The following GFPT1 variants were observed in gnomAD, a reference collection of about 807,000 sequenced individuals.
GFPT1 encodes glutamine--fructose-6-phosphate transaminase 1, also known as glutamine--fructose-6-phosphate aminotransferase [isomerizing] 1.
A neutral mutation model predicts 92.0 loss-of-function variants in GFPT1; 40 were observed. That is an observed-to-expected ratio of 0.43 (90% CI 0.34 to 0.57). GFPT1 has a LOEUF of 0.57. Ranked by LOEUF, GFPT1 falls within the 20% of genes least tolerant of loss-of-function variation. The pLI, the probability that GFPT1 is intolerant of heterozygous loss-of-function variation, is 0.02. For missense variants in GFPT1, 448 were observed against 869.1 expected, an observed-to-expected ratio of 0.52 and a Z score of 6.09; for synonymous variants, 269 against 280.6, an observed-to-expected ratio of 0.96 and a Z score of 0.41.
intron 15 of GFPT1, among the ~76,000 whole-genome samples, chr2:69,331,719 G>A (rs1670668132): frequency 6.8e-6 from 1 of 147,830 alleles, no homozygotes; most frequent in Admixed American, 6.8e-5. Context: ...ATATATTTCT[G>A]AATATAATTT....
At chr2:69,336,032 CAA>C (rs761461338) in intron 15 of GFPT1, among the ~76,000 whole-genome samples, 36 of 82,038 alleles carry the variant, frequency 4.4e-4, no homozygotes, top group Admixed American at 4.9e-4. Flanking sequence ...ACCCTGTCTC[CAA>C]AAAAAAAAAA....
chr2:69,324,415 G>GA lies in GFPT1; in HGVS notation c.*1773dup, dbSNP rs1182747961. On this transcript the variant is annotated 3_prime_UTR_variant, in exon 20 of 20. Transcript: ENST00000357308. ...AAATGACACTATACACACGCTAGCT[G>GA]ACTTACACAAAATAATCTTAGAAAC... 1.3e-5 allele frequency: 2 copies of GA among 152,042 alleles called. No homozygotes were observed. The highest frequency in any genetic ancestry group is 4.8e-5 in the African/African-American group (2 of 41,394). 9.4% of individuals were successfully genotyped at this position (152,042 alleles called of 1,614,324 possible). A position where few individuals can be genotyped will look rare whatever the true frequency, so the allele number is the denominator to read the frequency against.
intron 15 of GFPT1, among the ~76,000 whole-genome samples, chr2:69,332,562 C>T (rs1670691247): frequency 6.6e-6 from 1 of 151,956 alleles, no homozygotes; most frequent in Non-Finnish European, 1.5e-5. Flanking sequence ...AAGTGATCTG[C>T]CCAAAGTGCT....
chr2:69,381,432 C>A (rs983173555), intron 1 of GFPT1, among the ~76,000 whole-genome samples: 1 of 151,674 alleles, frequency 6.6e-6, no homozygotes, highest in Non-Finnish European at 1.5e-5. Flanking sequence ...TGAGTCACTG[C>A]CCCTCACCCA....
chr2:69,346,487 C>G (rs1426326925), intron 11 of GFPT1, among the ~76,000 whole-genome samples: 1 of 152,180 alleles, frequency 6.6e-6, no homozygotes, highest in African/African-American at 2.4e-5. Flanking sequence ...ATCCAACCAC[C>G]TCGGCCTCCC....
At chr2:69,327,927 C>T (rs776142905) in intron 18 of GFPT1, among the ~76,000 whole-genome samples, 12 of 151,754 alleles carry the variant, frequency 7.9e-5, no homozygotes, top group Non-Finnish European at 1.8e-4. Context: ...ACATGAAACC[C>T]CATCTCTACC....
intron 15 of GFPT1, among the ~76,000 whole-genome samples, chr2:69,333,624 C>T (rs1418751167): frequency 6.6e-6 from 1 of 152,058 alleles, no homozygotes; most frequent in Non-Finnish European, 1.5e-5. Context: ...TTTAAATCAA[C>T]AAAAGTCAGC....
At chr2:69,331,046 G>T (rs1015498668) in intron 15 of GFPT1, among the ~76,000 whole-genome samples, 20 of 152,140 alleles carry the variant, frequency 1.3e-4, no homozygotes, top group Non-Finnish European at 2.2e-4. Flanking sequence ...ATACAGAATT[G>T]TATGTATTTC....
intron 1 of GFPT1, among the ~76,000 whole-genome samples, chr2:69,378,906 T>A (rs1187997077): frequency 3.3e-5 from 5 of 152,176 alleles, no homozygotes; most frequent in African/African-American, 1.2e-4. Context: ...CTCTAAATTT[T>A]ATTTTTCTTA....
intron 15 of GFPT1, among the ~76,000 whole-genome samples, chr2:69,336,960 A>G (rs1574049416): frequency 6.6e-6 from 1 of 151,924 alleles, no homozygotes; most frequent in East Asian, 1.9e-4. Flanking sequence ...CCTTCAAAAC[A>G]CAAGACAGTA....
In GFPT1 at chr2:69,331,620, C is replaced by A. The variant is rs181218290; in HGVS notation, c.1483-1822G>T. ...TTTATGTTAGATTTTGCATTTTTTT[C>A]ATTACTGTTATATTTTAACCTGACT... On this transcript the variant is annotated intron_variant, in intron 15 of 19. Coordinates refer to ENST00000357308, the MANE Select transcript of GFPT1 (RefSeq NM_001244710.2). 4.7e-3 allele frequency among the ~76,000 whole-genome samples: 714 copies of A among 151,962 alleles called. 10 individuals are homozygous for A. The highest frequency in any genetic ancestry group is 0.011 in the Admixed American group (172 of 15,272).
In GFPT1 at chr2:69,356,561, G is replaced by T; in HGVS notation, c.544-4C>A. ...ACACAAGTGCAAAAGCACCTTCCTAGGGAGGGAAAAAAATCCATTAGCACT... is the reference window on the plus strand; with the variant it reads ...ACACAAGTGCAAAAGCACCTTCCTATGGAGGGAAAAAAATCCATTAGCACT... On this transcript the variant is annotated splice_region_variant and splice_polypyrimidine_tract_variant and intron_variant, in intron 6 of 19. Transcript: ENST00000357308. The T allele has an allele frequency of 6.2e-7, 1 of 1,610,078 alleles. No individual in the cohort carries two copies. The highest frequency in any genetic ancestry group is 8.5e-7 in the Non-Finnish European group (1 of 1,176,416).
At chr2:69,327,157 A>G (rs1473819406) in intron 18 of GFPT1, 82 bp from the exon 19 acceptor site, 2 of 1,196,154 alleles carry the variant, frequency 1.7e-6, no homozygotes, top group African/African-American at 1.5e-5. Context: ...CAAAAATTGC[A>G]CTGCATAATC....
chr2:69,374,220 A>T, intron 1 of GFPT1, 107 bp from the exon 2 acceptor site: 2 of 635,444 alleles, frequency 3.1e-6, no homozygotes, highest in Non-Finnish European at 5.7e-6. Context: ...TGTCTTTCAA[A>T]CATTTCAAAC....
chr2:69,338,477 C>T lies in GFPT1; in HGVS notation c.1292G>A (p.Arg431Gln). 6.2e-7 allele frequency: 1 copy of T among 1,613,262 alleles called. No homozygotes were observed. Among genetic ancestry groups the T allele is most frequent in the Non-Finnish European group, 8.5e-7 (1 of 1,179,286 alleles). The change falls in exon 14 of 20, where the codon CGA (arginine) becomes CAA (glutamine). Residue 431 changes from arginine to glutamine, a missense_variant. Physicochemically the swap from Arg to Gln is conservative, Grantham distance 43. Coordinates refer to ENST00000357308, the MANE Select transcript of GFPT1 (RefSeq NM_001244710.2). The stretch of plus-strand genomic sequence containing the variant: ...ACTAAGGAAAAAGCAAACATCATCT[C>T]GAAAGACTGGTGTGTTTCTGTCCAG... ...DFLDRNTPVF[R>Q]DDVCFFLSQS...
chr2:69,352,584 G>A (rs1318162565), intron 9 of GFPT1, among the ~76,000 whole-genome samples: 1 of 113,096 alleles, frequency 8.8e-6, no homozygotes, highest in Non-Finnish European at 1.6e-5. Context: ...CTGCACTACA[G>A]CCTGAGCAAC....
intron 1 of GFPT1, among the ~76,000 whole-genome samples, chr2:69,384,606 G>A (rs1474273280): frequency 6.7e-6 from 1 of 149,732 alleles, no homozygotes; most frequent in African/African-American, 2.5e-5. Context: ...CAGCTACTCG[G>A]GAGGTTGAAC....
At position 69,322,614 on chromosome 2, in the gene GFPT1, C is replaced by G. The variant is rs1024428430; in HGVS notation, c.*3575G>C. 2 of 152,206 alleles carry G rather than the reference C, an allele frequency of 1.3e-5. No homozygotes were observed. The highest frequency in any genetic ancestry group is 2.9e-5 in the Non-Finnish European group (2 of 68,032). 9.4% of individuals were successfully genotyped at this position (152,206 alleles called of 1,614,324 possible). On this transcript the variant is annotated 3_prime_UTR_variant, in exon 20 of 20. Transcript: ENST00000357308. ...TGTATTCAAAAAGATAAAACAATCT[C>G]ATCTCAGTAACTACCTCCTATGAAA...
intron 19 of GFPT1, among the ~76,000 whole-genome samples, chr2:69,326,450 G>A (rs922261933): frequency 6.6e-6 from 1 of 152,122 alleles, no homozygotes; most frequent in African/African-American, 2.4e-5. Flanking sequence ...GCATTCTAAA[G>A]GTGCCAGTTC....
Sources: gnomAD v4.1 joint callset for allele counts (sites outside exome capture counted in the v4.1 genomes callset) on GRCh38, gnomAD v4.1.1 for gene constraint, MANE v1.5 for transcripts, NCBI Gene and HGNC (gene_info 2026-07-23, HGNC 2026-07-21) for gene names.